Variants in FAM107B observed in about 807,000 individuals in gnomAD.
FAM107B encodes the protein family with sequence similarity 107 member B.
A neutral mutation model predicts 31.5 loss-of-function variants in FAM107B; 21 were observed. The ratio of observed to expected loss-of-function variants is 0.67; its 90% confidence interval spans 0.47 to 0.96. FAM107B has a LOEUF of 0.96. FAM107B is among the 40% of genes least tolerant of loss of function. The pLI is 0.00. For synonymous variants in FAM107B, 157 were observed against 141.5 expected (o/e 1.11, Z -0.78); for missense variants, 452 against 377.1 (o/e 1.20, Z -1.64).
chr10:14,728,100 T>C (rs891104336), intron 1 of FAM107B, among the ~76,000 whole-genome samples: 4 of 152,108 alleles, frequency 2.6e-5, no homozygotes, highest in Non-Finnish European at 4.4e-5. Flanking sequence ...AAAAGTAAAA[T>C]GAAATGTCCA....
intron 2 of FAM107B, chr10:14,654,001 C>T (rs7089802): frequency 0.85 from 129,295 of 152,172 alleles, 55,498 homozygotes; most frequent in Non-Finnish European, 0.89. Context: ...TTCTTCCTTT[C>T]ATCTCATATT....
At chr10:14,637,085 T>C (rs939433283) in intron 2 of FAM107B, among the ~76,000 whole-genome samples, 1 of 152,150 alleles carries the variant, frequency 6.6e-6, no homozygotes, top group Non-Finnish European at 1.5e-5. Flanking sequence ...CAGGGGAGAC[T>C]TTGTTCCTAC....
chr10:14,656,013 T>A (rs117275488), intron 2 of FAM107B, among the ~76,000 whole-genome samples: 5 of 152,246 alleles, frequency 3.3e-5, no homozygotes, highest in Non-Finnish European at 7.4e-5. Flanking sequence ...GTGCTGAGTG[T>A]CGGCCATGCA....
chr10:14,693,471 G>A (rs56822089), intron 1 of FAM107B, among the ~76,000 whole-genome samples: 8,735 of 125,660 alleles, frequency 0.07, 371 homozygotes, highest in East Asian at 0.26. Context: ...GAGTGACACC[G>A]TCTCAAAAAA....
chr10:14,670,972 A>G (rs1030774042), intron 1 of FAM107B, among the ~76,000 whole-genome samples: 5 of 152,306 alleles, frequency 3.3e-5, no homozygotes, highest in African/African-American at 1.2e-4. Context: ...GAATAAAATG[A>G]CAACAGTCCA....
At chr10:14,765,415 A>G (rs1158935772) in intron 1 of FAM107B, among the ~76,000 whole-genome samples, 1 of 152,248 alleles carries the variant, frequency 6.6e-6, no homozygotes, top group Non-Finnish European at 1.5e-5. Context: ...AGAGAAGCCA[A>G]GAAGCTGCCT....
At chr10:14,658,371 G>A (rs932287006) in intron 2 of FAM107B, among the ~76,000 whole-genome samples, 1 of 152,166 alleles carries the variant, frequency 6.6e-6, no homozygotes, top group Non-Finnish European at 1.5e-5. Flanking sequence ...CAGGACAAAG[G>A]AAGTCTATTT....
intron 2 of FAM107B, among the ~76,000 whole-genome samples, chr10:14,538,337 TAA>T (rs1291292958): frequency 6.6e-6 from 1 of 152,134 alleles, no homozygotes; most frequent in African/African-American, 2.4e-5. Context: ...GTAGGATGGG[TAA>T]GTAAACAGCG....
intron 2 of FAM107B, among the ~76,000 whole-genome samples, chr10:14,612,902 T>C (rs1009554095): frequency 2.0e-5 from 3 of 152,128 alleles, no homozygotes; most frequent in Admixed American, 6.5e-5. Flanking sequence ...GCAGATGAAA[T>C]AAAAATTCCT....
intron 3 of FAM107B, 185 bp downstream of exon 3, chr10:14,530,147 C>A: frequency 1.6e-6 from 1 of 622,902 alleles, no homozygotes; most frequent in South Asian, 2.3e-5. Flanking sequence ...CAGTGATGGC[C>A]ACCTGCAGGG....
chr10:14,640,739 T>A (rs765948536), intron 2 of FAM107B, among the ~76,000 whole-genome samples: 3 of 152,144 alleles, frequency 2.0e-5, no homozygotes, highest in Non-Finnish European at 2.9e-5. Context: ...ATAAGGAAAC[T>A]GAGGCTCAGA....
chr10:14,689,213 C>T (rs1027220753), intron 1 of FAM107B, among the ~76,000 whole-genome samples: 1 of 151,518 alleles, frequency 6.6e-6, no homozygotes, highest in Non-Finnish European at 1.5e-5. Flanking sequence ...AACCTCATCT[C>T]TAAAAAAAAT....
intron 1 of FAM107B, among the ~76,000 whole-genome samples, chr10:14,710,061 A>T (rs1056406846): frequency 8.5e-5 from 13 of 152,152 alleles, no homozygotes. Context: ...AGTGACCCCA[A>T]TGTAAACAAT....
chr10:14,681,049 C>T (rs1029102256), intron 1 of FAM107B, among the ~76,000 whole-genome samples: 7 of 152,234 alleles, frequency 4.6e-5, no homozygotes, highest in Non-Finnish European at 8.8e-5. Flanking sequence ...TTGCCACCTT[C>T]ACTGTGTAGA....
chr10:14,745,791 G>A (rs1238723021), intron 1 of FAM107B, among the ~76,000 whole-genome samples: 4 of 152,162 alleles, frequency 2.6e-5, no homozygotes, highest in Admixed American at 2.6e-4. Context: ...TTTGAGTGGA[G>A]AGTTCTGTAG....
At chr10:14,542,317 G>A (rs1044509437) in intron 2 of FAM107B, among the ~76,000 whole-genome samples, 3 of 151,402 alleles carry the variant, frequency 2.0e-5, no homozygotes, top group Non-Finnish European at 2.9e-5. Flanking sequence ...TAATACGGGC[G>A]GTTTAGAGTA....
chr10:14,579,423 T>C (rs1459676022), intron 2 of FAM107B, among the ~76,000 whole-genome samples: 4 of 152,236 alleles, frequency 2.6e-5, no homozygotes, highest in African/African-American at 7.2e-5. Context: ...AAACCCTCTA[T>C]TGCAAAGTAA....
intron 1 of FAM107B, among the ~76,000 whole-genome samples, chr10:14,702,932 G>C (rs1031255303): frequency 1.4e-4 from 21 of 152,094 alleles, no homozygotes; most frequent in Admixed American, 1.4e-3. Context: ...AAAAGACCAA[G>C]AATGTCACCG....
At chr10:14,623,729 G>A (rs559002180) in intron 2 of FAM107B, among the ~76,000 whole-genome samples, 1 of 152,282 alleles carries the variant, frequency 6.6e-6, no homozygotes, top group South Asian at 2.1e-4. Flanking sequence ...AGGAGGCTGA[G>A]GCATGAGAAT....
Sources: gnomAD v4.1 joint callset for allele counts (sites outside exome capture counted in the v4.1 genomes callset) on GRCh38, gnomAD v4.1.1 for gene constraint, MANE v1.5 for transcripts, NCBI Gene and HGNC (gene_info 2026-07-23, HGNC 2026-07-21) for gene names.